The following LHFPL1 variants were observed in gnomAD, a reference collection of about 807,000 sequenced individuals.
LHFPL1 encodes LHFPL tetraspan subfamily member 1.
Under a neutral mutation model 12.1 loss-of-function variants are expected in LHFPL1, and 4 were observed. The observed-to-expected ratio is 0.33, with a 90% CI of 0.16 to 0.76. The LOEUF (loss-of-function observed/expected upper bound fraction) is 0.76, where lower values mean the gene tolerates loss of function less well. Among genes scored for constraint, LHFPL1 ranks in the 30% least tolerant of loss-of-function variants. The pLI, the probability that LHFPL1 is intolerant of heterozygous loss-of-function variation, is 0.61. For synonymous variants in LHFPL1, 52 were observed against 61.9 expected (o/e 0.84, Z 0.75); for missense variants, 141 against 174.1 (o/e 0.81, Z 1.07).
At chrX:112,668,153 C>G (rs750568760) in intron 2 of LHFPL1, among the ~76,000 whole-genome samples, 1 of 111,966 alleles carries the variant, frequency 8.9e-6, no homozygotes, top group East Asian at 2.8e-4. Flanking sequence ...CTTAATCCCC[C>G]AAACTCTTTC....
At chrX:112,669,139 G>T (rs979142232) in intron 2 of LHFPL1, among the ~76,000 whole-genome samples, 2 of 112,721 alleles carry the variant, frequency 1.8e-5, no homozygotes, top group Admixed American at 9.4e-5. Context: ...TCTTTCTACA[G>T]TTACTGAACA....
intron 3 of LHFPL1, among the ~76,000 whole-genome samples, chrX:112,638,950 A>G (rs1930423685): frequency 9.0e-6 from 1 of 111,557 alleles, no homozygotes; most frequent in South Asian, 3.8e-4. Context: ...GTTAGCAAGA[A>G]AAGTAGGGGT....
At chrX:112,639,305 G>C (rs1400496487) in intron 3 of LHFPL1, among the ~76,000 whole-genome samples, 2 of 110,900 alleles carry the variant, frequency 1.8e-5, no homozygotes, top group South Asian at 3.9e-4. Context: ...AGCCTGCCAG[G>C]CTCCTTTGCC....
intron 2 of LHFPL1, among the ~76,000 whole-genome samples, chrX:112,669,887 T>A (rs766512556): frequency 8.9e-6 from 1 of 111,828 alleles, no homozygotes; most frequent in Non-Finnish European, 1.9e-5. Flanking sequence ...TCTTAGCTCA[T>A]CACTGCCATC....
intron 3 of LHFPL1, among the ~76,000 whole-genome samples, chrX:112,644,197 T>C (rs1406654437): frequency 1.8e-5 from 2 of 112,251 alleles, no homozygotes; most frequent in Non-Finnish European, 3.8e-5. Context: ...GATGAGTTGC[T>C]TTGGACAATC....
chrX:112,644,453 TTGTGTGTGTG>T (rs111620839), intron 3 of LHFPL1, among the ~76,000 whole-genome samples: 1 of 104,798 alleles, frequency 9.5e-6, no homozygotes, highest in Non-Finnish European at 2.0e-5. Context: ...TTTCTCCTGT[TTGTGTGTGTG>T]TGTGTGTGTG....
intron 3 of LHFPL1, among the ~76,000 whole-genome samples, chrX:112,637,156 T>C (rs1930366060): frequency 8.9e-6 from 1 of 112,309 alleles, no homozygotes; most frequent in Admixed American, 9.4e-5. Context: ...GAATCTCTCA[T>C]ACAAGTTATT....
chrX:112,673,878 C>T (rs926170376), intron 1 of LHFPL1, among the ~76,000 whole-genome samples: 1 of 111,913 alleles, frequency 8.9e-6, no homozygotes, highest in African/African-American at 3.3e-5. Context: ...TTTCTCCAGA[C>T]ATAGTGCAAA....
intron 3 of LHFPL1, among the ~76,000 whole-genome samples, chrX:112,639,012 G>A (rs1930425153): frequency 9.0e-6 from 1 of 111,590 alleles, no homozygotes; most frequent in African/African-American, 3.3e-5. Context: ...CTGACTTTAG[G>A]GTCTTTATAG....
intron 3 of LHFPL1, among the ~76,000 whole-genome samples, chrX:112,651,852 T>C (rs895853636): frequency 4.5e-5 from 5 of 111,987 alleles, no homozygotes; most frequent in African/African-American, 1.6e-4. Flanking sequence ...TCTCTTTTCT[T>C]CCTCAAACCC....
chrX:112,663,370 T>C (rs754786783), intron 2 of LHFPL1, among the ~76,000 whole-genome samples: 5 of 111,802 alleles, frequency 4.5e-5, no homozygotes, highest in South Asian at 3.8e-4. Flanking sequence ...AGATAATAGG[T>C]ACTCGATAAA....
At position 112,631,608 on chromosome X, in the gene LHFPL1, G is replaced by A. The variant is rs59277007; in HGVS notation, c.482-7C>T. 3.5e-4 allele frequency: 403 copies of A among 1,162,528 alleles called. No homozygotes were observed. The African/African-American group carries it at 5.8e-3, about 17-fold the overall frequency. On this transcript the variant is annotated splice_region_variant and splice_polypyrimidine_tract_variant and intron_variant, in intron 3 of 3. Transcript: ENST00000371968. ...CAGCCAAGCCGACAGGTACCTGTGA[G>A]AACAGGGACAGAGAATGAGGATTGG...
intron 3 of LHFPL1, among the ~76,000 whole-genome samples, chrX:112,646,248 G>A (rs1395026037): frequency 1.9e-5 from 2 of 106,124 alleles, no homozygotes; most frequent in South Asian, 4.4e-4. Flanking sequence ...AGGGAGTCCC[G>A]GGACAGCAAG....
Position 112,649,504 on chromosome X carries a change from A to C in LHFPL1, c.481+11123T>G, listed in dbSNP as rs145804768. On this transcript the variant is annotated intron_variant, in intron 3 of 3. Transcript: ENST00000371968. Reference sequence around the variant, plus strand: ...TTCATGCTATTCTTCAAAGATTTGCACACTTTATGGTTTCCTGGATTACTT... The same window carrying C: ...TTCATGCTATTCTTCAAAGATTTGCCCACTTTATGGTTTCCTGGATTACTT... Among the ~76,000 whole-genome samples the C allele has an allele frequency of 1.9e-4, 21 of 112,143 alleles. No homozygotes were observed. In the East Asian group the frequency reaches 5.0e-3, roughly 27 times the overall value.
chrX:112,632,672 T>C (rs771011967), intron 3 of LHFPL1, among the ~76,000 whole-genome samples: 1 of 111,868 alleles, frequency 8.9e-6, no homozygotes, highest in South Asian at 3.8e-4. Context: ...AATTTATTTT[T>C]TAAAGGCTAA....
chrX:112,660,269 C>T (rs1426904455), intron 3 of LHFPL1, among the ~76,000 whole-genome samples: 3 of 112,091 alleles, frequency 2.7e-5, no homozygotes, highest in South Asian at 3.7e-4. Flanking sequence ...GATTGACAAA[C>T]GATACTGTTG....
intron 3 of LHFPL1, among the ~76,000 whole-genome samples, chrX:112,659,614 C>T (rs979069036): frequency 1.8e-5 from 2 of 111,720 alleles, no homozygotes; most frequent in African/African-American, 6.5e-5. Flanking sequence ...AGAATCAGTC[C>T]CACAACCAAC....
chrX:112,657,219 G>T (rs1931032964), intron 3 of LHFPL1, among the ~76,000 whole-genome samples: 1 of 111,924 alleles, frequency 8.9e-6, no homozygotes, highest in South Asian at 3.7e-4. Context: ...AAATACTTAT[G>T]AACAAATTTA....
In LHFPL1 at chrX:112,664,844, A is replaced by ATG. The variant is rs1381651724; in HGVS notation, c.383-4120_383-4119insCA. On this transcript the variant is annotated intron_variant, in intron 2 of 3. Coordinates refer to ENST00000371968, the MANE Select transcript of LHFPL1 (RefSeq NM_178175.4). ...AGTAGCAACAGGGAAGTCATTTACA[A>ATG]GTGTCAGTCCCTGCCACCTTCTGAA... Among the ~76,000 whole-genome samples, 40 of 112,273 alleles carry ATG rather than the reference A, an allele frequency of 3.6e-4. No homozygotes were observed. In the East Asian group the frequency reaches 0.011, roughly 31 times the overall value.
Sources: gnomAD v4.1 joint callset for allele counts (sites outside exome capture counted in the v4.1 genomes callset) on GRCh38, gnomAD v4.1.1 for gene constraint, MANE v1.5 for transcripts, NCBI Gene and HGNC (gene_info 2026-07-23, HGNC 2026-07-21) for gene names.